Variants in NCK2 observed in about 807,000 individuals in gnomAD.
NCK2 encodes the protein NCK adaptor protein 2.
In NCK2, 16 loss-of-function variants were observed where a neutral mutation model predicts 33.9. That is an observed-to-expected ratio of 0.47 (90% CI 0.32 to 0.72). The LOEUF (loss-of-function observed/expected upper bound fraction) is 0.72. NCK2 is among the 30% of genes least tolerant of loss of function. NCK2 has a pLI of 0.03. For synonymous variants in NCK2, 273 were observed against 239.9 expected (o/e 1.14, Z -1.27); for missense variants, 418 against 537.3 (o/e 0.78, Z 2.19).
chr2:105,790,022 G>A (rs1489429189), intron 1 of NCK2, among the ~76,000 whole-genome samples: 1 of 152,194 alleles, frequency 6.6e-6, no homozygotes, highest in Non-Finnish European at 1.5e-5. Context: ...GAGTGCAAGG[G>A]AGCAGAATTG....
rs1288685462 is a variant in NCK2, at chr2:105,765,385, T to C, written c.-201+20247T>C. On this transcript the variant is annotated intron_variant, in intron 1 of 4. Coordinates refer to ENST00000233154, the MANE Select transcript of NCK2 (RefSeq NM_003581.5). The stretch of plus-strand genomic sequence containing the variant: ...CCTTGAATTTCAGGGACTCTGCCAG[T>C]AGTGCTCACGGATTTAGCATTCCAT... 2.0e-5 allele frequency among the ~76,000 whole-genome samples: 3 copies of C among 152,342 alleles called. No individual in the cohort carries two copies. In the South Asian group the frequency reaches 6.2e-4, roughly 32 times the overall value.
At chr2:105,837,275 TA>T (rs1427964432) in intron 2 of NCK2, among the ~76,000 whole-genome samples, 1 of 152,256 alleles carries the variant, frequency 6.6e-6, no homozygotes, top group African/African-American at 2.4e-5. Context: ...CCTTGATTTT[TA>T]ACGTTAGTTT....
At chr2:105,798,166 G>C (rs1315605536) in intron 1 of NCK2, among the ~76,000 whole-genome samples, 4 of 152,188 alleles carry the variant, frequency 2.6e-5, no homozygotes, top group Non-Finnish European at 5.9e-5. Flanking sequence ...ATGTTCGCTT[G>C]TTGTAATGTT....
chr2:105,781,316 C>T (rs1048205231), intron 1 of NCK2, among the ~76,000 whole-genome samples: 2 of 147,084 alleles, frequency 1.4e-5, no homozygotes, highest in Non-Finnish European at 3.1e-5. Flanking sequence ...CTTTGCAGGT[C>T]CTGTTGCTGA....
intron 1 of NCK2, among the ~76,000 whole-genome samples, chr2:105,785,444 T>G (rs1690642988): frequency 6.6e-6 from 1 of 152,034 alleles, no homozygotes; most frequent in Non-Finnish European, 1.5e-5. Context: ...GACATGTGAG[T>G]GTAATTCCTG....
chr2:105,841,964 GC>G (rs1218691736), intron 2 of NCK2, among the ~76,000 whole-genome samples: 2 of 152,184 alleles, frequency 1.3e-5, no homozygotes, highest in Non-Finnish European at 2.9e-5. Flanking sequence ...TCCACTTGAG[GC>G]CAGAGATCAG....
chr2:105,786,805 C>G (rs72935761), intron 1 of NCK2, among the ~76,000 whole-genome samples: 35,227 of 152,098 alleles, frequency 0.23, 5,531 homozygotes, highest in African/African-American at 0.44. Context: ...TGGGTTTGTT[C>G]CCCTCTGCCT....
intron 3 of NCK2, among the ~76,000 whole-genome samples, chr2:105,879,517 G>C (rs1230391358): frequency 2.0e-5 from 3 of 152,238 alleles, no homozygotes; most frequent in Non-Finnish European, 4.4e-5. Flanking sequence ...AGAAATCTAA[G>C]CGTTTCACCT....
Position 105,880,161 on chromosome 2 carries a change from G to A in NCK2, c.227-1167G>A, listed in dbSNP as rs563754152. Among the ~76,000 whole-genome samples the A allele has an allele frequency of 6.6e-4, 101 of 152,246 alleles. No individual in the cohort carries two copies. The South Asian group carries it at 0.019, about 29-fold the overall frequency. Reference sequence around the variant, plus strand: ...GAAGAAATGTTTCTCAATCTGATTCGATACTCGTATCTGTGACTGAAGAAA... The same window carrying A: ...GAAGAAATGTTTCTCAATCTGATTCAATACTCGTATCTGTGACTGAAGAAA... On this transcript the variant is annotated intron_variant, in intron 3 of 4. Coordinates refer to ENST00000233154, the MANE Select transcript of NCK2 (RefSeq NM_003581.5).
chr2:105,755,708 G>T (rs1380074367), intron 1 of NCK2, among the ~76,000 whole-genome samples: 4 of 151,368 alleles, frequency 2.6e-5, no homozygotes, highest in Non-Finnish European at 5.9e-5. Context: ...CCGAACCCAT[G>T]CCTATAAATT....
intron 1 of NCK2, among the ~76,000 whole-genome samples, chr2:105,797,594 GT>G (rs1691128493): frequency 6.6e-6 from 1 of 152,214 alleles, no homozygotes; most frequent in South Asian, 2.1e-4. Flanking sequence ...GTGGAGCCTG[GT>G]CTGGTTGGAG....
At chr2:105,783,411 G>T (rs1157382644) in intron 1 of NCK2, among the ~76,000 whole-genome samples, 2 of 152,112 alleles carry the variant, frequency 1.3e-5, no homozygotes, top group Non-Finnish European at 2.9e-5. Context: ...CACCGTGAAG[G>T]CCCGCGTGGA....
chr2:105,845,874 CA>C (rs965589775), intron 2 of NCK2, among the ~76,000 whole-genome samples: 34 of 152,208 alleles, frequency 2.2e-4, no homozygotes, highest in African/African-American at 8.2e-4. Flanking sequence ...AGCCAAGTTC[CA>C]CCAAAGACAT....
chr2:105,751,181 C>T (rs1009149196), intron 1 of NCK2, among the ~76,000 whole-genome samples: 2 of 152,220 alleles, frequency 1.3e-5, no homozygotes, highest in Non-Finnish European at 2.9e-5. Flanking sequence ...TTTGCAGCTT[C>T]TCCTGCAACC....
intron 2 of NCK2, among the ~76,000 whole-genome samples, chr2:105,833,993 T>C (rs959794450): frequency 6.6e-6 from 1 of 152,260 alleles, no homozygotes; most frequent in Non-Finnish European, 1.5e-5. Context: ...TTTATTCTAT[T>C]GTGTTCTGAG....
chr2:105,889,553 G>A (rs1051621692), intron 4 of NCK2, among the ~76,000 whole-genome samples: 2 of 150,874 alleles, frequency 1.3e-5, no homozygotes, highest in African/African-American at 4.9e-5. Flanking sequence ...TTGAGGCAGA[G>A]CCTGAGAATT....
chr2:105,834,812 A>G (rs983845906), intron 2 of NCK2, among the ~76,000 whole-genome samples: 1 of 152,092 alleles, frequency 6.6e-6, no homozygotes, highest in Non-Finnish European at 1.5e-5. Flanking sequence ...CTGGGCCTAC[A>G]GGTAGATGTG....
intron 2 of NCK2, among the ~76,000 whole-genome samples, chr2:105,852,104 G>A (rs1323018298): frequency 6.6e-6 from 1 of 152,168 alleles, no homozygotes; most frequent in East Asian, 1.9e-4. Flanking sequence ...TCGGACGGTT[G>A]GGCGGGTCGG....
intron 3 of NCK2, among the ~76,000 whole-genome samples, chr2:105,860,383 G>T (rs1046316310): frequency 9.2e-5 from 14 of 152,288 alleles, no homozygotes; most frequent in African/African-American, 3.4e-4. Flanking sequence ...TACCCACCAA[G>T]TGCCAGCCTC....
Sources: gnomAD v4.1 joint callset for allele counts (sites outside exome capture counted in the v4.1 genomes callset) on GRCh38, gnomAD v4.1.1 for gene constraint, MANE v1.5 for transcripts, NCBI Gene and HGNC (gene_info 2026-07-23, HGNC 2026-07-21) for gene names.